Variants in SIGLEC11 observed in about 807,000 individuals in gnomAD.
The protein encoded by SIGLEC11 is sialic acid-binding Ig-like lectin 11.
Under a neutral mutation model 61.2 loss-of-function variants are expected in SIGLEC11, and 47 were observed. The observed-to-expected ratio is 0.77, with a 90% CI of 0.61 to 0.98. The LOEUF (loss-of-function observed/expected upper bound fraction) is 0.98. Among genes scored for constraint, SIGLEC11 ranks in the 50% least tolerant of loss-of-function variants. SIGLEC11 has a pLI of 0.00. For synonymous variants in SIGLEC11, 278 were observed against 373.1 expected, an observed-to-expected ratio of 0.75 and a Z score of 2.94; for missense variants, 610 against 870.3, an observed-to-expected ratio of 0.70 and a Z score of 3.76.
In SIGLEC11 at chr19:49,958,485, G is replaced by C. The variant is rs538668574; in HGVS notation, c.1449C>G (p.Pro483=). Residue 483 remains proline (P), a synonymous_variant, in exon 8 of 11, where the codon CCC becomes CCG. Transcript: ENST00000447370. ...CCTCCCCAAGCCACCAGCGCAGAGA[G>C]GGGGCCGGGCTGGCCTGGGAGGAGC... The part of the protein sequence containing the change: ...CSCSSQASPA[P]SLRWWLGEEL... The C allele has an allele frequency of 2.1e-5, 34 of 1,611,836 alleles. No individual in the cohort carries two copies. The East Asian group carries it at 4.5e-4, about 21-fold the overall frequency.
chr19:49,958,994 A>T (rs755287863), intron 6 of SIGLEC11, 36 bp downstream of exon 6: 2 of 1,613,510 alleles, frequency 1.2e-6, no homozygotes, highest in South Asian at 2.2e-5. Context: ...CCAGTTTGGC[A>T]CTGAGAGGCC....
In SIGLEC11 at chr19:49,949,841, C is replaced by CA; in HGVS notation, c.*128dup. 4.7e-6 allele frequency: 5 copies of CA among 1,058,008 alleles called. No homozygotes were observed. Among genetic ancestry groups the CA allele is most frequent in the East Asian group, 3.1e-5 (1 of 31,814 alleles). The allele number at this position is 1,058,008 out of a possible 1,614,324, so 65.5% of individuals were successfully genotyped here. A position where few individuals can be genotyped will look rare whatever the true frequency, so the allele number is the denominator to read the frequency against. On this transcript the variant is annotated 3_prime_UTR_variant, in exon 11 of 11. Coordinates refer to ENST00000447370, the MANE Select transcript of SIGLEC11 (RefSeq NM_052884.3). ...TGGAGGACAGAGTCAGACCCTGTCT[C>CA]AAAAAAAGTATAATCTTCAAACTCA... is the stretch of plus-strand genomic sequence containing the variant.
chr19:49,949,949 C>A lies in SIGLEC11; in HGVS notation c.*21G>T. The A allele has an allele frequency of 7.1e-7, 1 of 1,414,906 alleles. No homozygotes were observed. The highest frequency in any genetic ancestry group is 9.3e-7 in the Non-Finnish European group (1 of 1,075,728). The allele number at this position is 1,414,906 out of a possible 1,614,324, so 87.6% of individuals were successfully genotyped here. On this transcript the variant is annotated 3_prime_UTR_variant, in exon 11 of 11. Transcript: ENST00000447370. ...GCGACTCCCACACACTTGCTGGTGTCCTGTTGCCATGGAGACCTCTTCACT... is the reference window on the plus strand; with the variant it reads ...GCGACTCCCACACACTTGCTGGTGTACTGTTGCCATGGAGACCTCTTCACT...
chr19:49,959,320 C>A (rs1174690802), intron 5 of SIGLEC11, 40 bp downstream of exon 5: 9 of 1,598,136 alleles, frequency 5.6e-6, no homozygotes, highest in Non-Finnish European at 7.6e-6. Context: ...TATCCCTCTG[C>A]CCTCCCAATG....
At position 49,949,962 on chromosome 19, in the gene SIGLEC11, A is replaced by T. The variant is rs1312013316; in HGVS notation, c.*8T>A. On this transcript the variant is annotated 3_prime_UTR_variant, in exon 11 of 11. Coordinates refer to ENST00000447370, the MANE Select transcript of SIGLEC11 (RefSeq NM_052884.3). ...ACTTGCTGGTGTCCTGTTGCCATGGAGACCTCTTCACTTTGGAACCATCCC... is the reference window on the plus strand; with the variant it reads ...ACTTGCTGGTGTCCTGTTGCCATGGTGACCTCTTCACTTTGGAACCATCCC... The T allele has an allele frequency of 7.0e-7, 1 of 1,433,678 alleles. No homozygotes were observed. Among genetic ancestry groups the T allele is most frequent in the Non-Finnish European group, 9.2e-7 (1 of 1,085,748 alleles). 88.8% of individuals were successfully genotyped at this position (1,433,678 alleles called of 1,614,324 possible).
rs181667719 is a variant in SIGLEC11, at chr19:49,949,920, C to T, written c.*50G>A. The T allele has an allele frequency of 1.8e-4, 243 of 1,371,558 alleles. 1 individual carries two copies. In the African/African-American group the frequency reaches 3.3e-3, roughly 19 times the overall value. The allele number at this position is 1,371,558 out of a possible 1,614,324, so 85.0% of individuals were successfully genotyped here. A position where few individuals can be genotyped will look rare whatever the true frequency, so the allele number is the denominator to read the frequency against. On this transcript the variant is annotated 3_prime_UTR_variant, in exon 11 of 11. Transcript: ENST00000447370. ...CTGAGTCCAGTTCTGGCCGTCACAC[C>T]AGTGCGACTCCCACACACTTGCTGG... is the stretch of plus-strand genomic sequence containing the variant.
chr19:49,954,321 A>T (rs995856735), intron 8 of SIGLEC11, among the ~76,000 whole-genome samples: 8 of 152,188 alleles, frequency 5.3e-5, no homozygotes, highest in Non-Finnish European at 1.2e-4. Context: ...ACAGCCCTCC[A>T]GGAACCAAAT....
In SIGLEC11 at chr19:49,949,899, G is replaced by C. The variant is rs1367637942; in HGVS notation, c.*71C>G. 6 of 1,326,270 alleles carry C rather than the reference G, an allele frequency of 4.5e-6. No individual in the cohort carries two copies. The highest frequency in any genetic ancestry group is 1.9e-6 in the Non-Finnish European group (2 of 1,026,354). 82.2% of individuals were successfully genotyped at this position (1,326,270 alleles called of 1,614,324 possible). On this transcript the variant is annotated 3_prime_UTR_variant, in exon 11 of 11. Transcript: ENST00000447370. ...CATTGGGGATGGGGCTGAAATCTGA[G>C]TCCAGTTCTGGCCGTCACACCAGTG...
chr19:49,958,974 T>G (rs528649918), intron 6 of SIGLEC11, 56 bp downstream of exon 6: 2 of 1,613,406 alleles, frequency 1.2e-6, no homozygotes, highest in Non-Finnish European at 1.7e-6. Context: ...CCCTCCAGAC[T>G]CCTGGGCCCC....
chr19:49,960,716 G>T lies in SIGLEC11; in HGVS notation c.296C>A (p.Thr99Asn). The change falls in exon 2 of 11, where the codon ACC becomes AAC. Residue 99 changes from threonine to asparagine, a missense_variant. Around this residue, in one of 6 missense-constraint regions of SIGLEC11, gnomAD observed 99 missense variants for 131.6 expected, o/e 0.75. Coordinates refer to ENST00000447370, the MANE Select transcript of SIGLEC11 (RefSeq NM_052884.3). ...CCCAGTGAGCTGGAATCGGTCCCGG[G>T]TGCTCATTTCCACCTCTCGACTCTG... Reference protein sequence around the residue: ...NNQSREVEMSTRDRFQLTGDP... With the variant: ...NNQSREVEMSNRDRFQLTGDP... 7 of 1,612,236 alleles carry T rather than the reference G, an allele frequency of 4.3e-6. No individual in the cohort carries two copies. Among genetic ancestry groups the T allele is most frequent in the Non-Finnish European group, 5.9e-6 (7 of 1,179,856 alleles).
chr19:49,956,069 G>T (rs1334071756), intron 8 of SIGLEC11, among the ~76,000 whole-genome samples: 1 of 152,194 alleles, frequency 6.6e-6, no homozygotes, highest in Non-Finnish European at 1.5e-5. Flanking sequence ...GGCAGCCTAG[G>T]CATTTCCTCA....
intron 8 of SIGLEC11, among the ~76,000 whole-genome samples, chr19:49,957,724 G>C (rs780767909): frequency 6.6e-6 from 1 of 152,116 alleles, no homozygotes; most frequent in Admixed American, 6.6e-5. Context: ...TGCTTTAGCC[G>C]GGCGCGGTGG....
intron 5 of SIGLEC11, 81 bp from the exon 6 acceptor site, chr19:49,959,158 T>C: frequency 6.3e-7 from 1 of 1,599,028 alleles, no homozygotes; most frequent in Non-Finnish European, 8.5e-7. Context: ...GACACTGAGG[T>C]GGGGGAAGTG....
At position 49,958,549 on chromosome 19, in the gene SIGLEC11, G is replaced by A. The variant is rs1282751924; in HGVS notation, c.1385C>T (p.Pro462Leu). 6.3e-7 allele frequency: 1 copy of A among 1,581,908 alleles called. No individual in the cohort carries two copies. Among genetic ancestry groups the A allele is most frequent in the Admixed American group, 1.8e-5 (1 of 54,428 alleles). The part of the protein sequence containing the change: ...SVHYPPQLLG[P>L]SCSWEAEGLH... ...ACCCTCAGCCTCCCAGGAGCAGGAG[G>A]GGCCCAGCAGCTGTGGAGGGTCTGT... Residue 462 changes from proline to leucine, a missense_variant, in exon 8 of 11, where the codon CCC becomes CTC. Physicochemically the swap from Pro to Leu is moderately conservative, Grantham distance 98 (BLOSUM62 -3). Coordinates refer to ENST00000447370, the MANE Select transcript of SIGLEC11 (RefSeq NM_052884.3).
At position 49,952,390 on chromosome 19, in the gene SIGLEC11, C is replaced by T; in HGVS notation, c.1656G>A (p.Lys552=). The T allele has an allele frequency of 6.2e-7, 1 of 1,605,216 alleles. No homozygotes were observed. The highest frequency in any genetic ancestry group is 2.2e-5 in the East Asian group (1 of 44,874). Residue 552 remains lysine, a synonymous_variant, in exon 9 of 11, where the codon AAG becomes AAA. Coordinates refer to ENST00000447370, the MANE Select transcript of SIGLEC11 (RefSeq NM_052884.3). ...SGSVFQLLPG[K]LEHGGGLGLG... ...GGCCAAGTCCTCCCCCATGCTCCAG[C>T]TTCCCTGCATGGGAGCAGGGTTTGG...
At chr19:49,952,908 G>A (rs1464689989) in intron 8 of SIGLEC11, among the ~76,000 whole-genome samples, 1 of 152,100 alleles carries the variant, frequency 6.6e-6, no homozygotes, top group East Asian at 1.9e-4. Flanking sequence ...ACTTTTGTAA[G>A]TCTGCTCATA....
At position 49,951,224 on chromosome 19, in the gene SIGLEC11, C is replaced by T. The variant is rs1194733131; in HGVS notation, c.1830+667G>A. The stretch of plus-strand genomic sequence containing the variant: ...GGTTTGGTGGAGCTTCCCAGGTGAG[C>T]GGTGCCCTGATGCTCCGTGCATCTG... On this transcript the variant is annotated intron_variant, in intron 10 of 10. Coordinates refer to ENST00000447370, the MANE Select transcript of SIGLEC11 (RefSeq NM_052884.3). This position sits in a 1 kb window ranked among gnomAD's most constrained non-coding sequence, Gnocchi z 4.6. 1.3e-5 allele frequency among the ~76,000 whole-genome samples: 2 copies of T among 152,160 alleles called. No individual in the cohort carries two copies. The highest frequency in any genetic ancestry group is 4.1e-4 in the South Asian group (2 of 4,826).
At chr19:49,952,431 G>GCCCTGAGACCCTCCTGC (rs765896280) in intron 8 of SIGLEC11, 37 bp from the exon 9 acceptor site, 55 of 1,526,438 alleles carry the variant, frequency 3.6e-5, no homozygotes, top group African/African-American at 5.5e-5. Context: ...TGCCCTCCTG[G>GCCCTGAGACCCTCCTGC]CCCTGAGACC....
At chr19:49,957,295 A>T (rs1456640000) in intron 8 of SIGLEC11, among the ~76,000 whole-genome samples, 2 of 152,160 alleles carry the variant, frequency 1.3e-5, no homozygotes, top group Non-Finnish European at 2.9e-5. Context: ...CTTCTTTTAT[A>T]AAAAACATCA....
Sources: allele counts gnomAD v4.1 joint callset (sites outside exome capture counted in the v4.1 genomes callset), GRCh38; gene constraint gnomAD v4.1.1; regional missense constraint gnomAD v4.1.1; non-coding constraint Gnocchi (gnomAD v3.1); transcripts MANE v1.5; gene names NCBI Gene and HGNC (gene_info 2026-07-23, HGNC 2026-07-21).